The following FAM13B variants were observed in gnomAD, a reference collection of about 807,000 sequenced individuals.
FAM13B encodes family with sequence similarity 13 member B.
In FAM13B, 60 loss-of-function variants were observed where a neutral mutation model predicts 117.3. The ratio of observed to expected loss-of-function variants is 0.51; its 90% confidence interval spans 0.42 to 0.63. The LOEUF (loss-of-function observed/expected upper bound fraction) is 0.63, where lower values mean the gene tolerates loss of function less well. Among genes scored for constraint, FAM13B ranks in the 30% least tolerant of loss-of-function variants. FAM13B has a pLI of 0.00. For missense variants in FAM13B, 972 were observed against 1,091.9 expected (o/e 0.89, Z 1.55); for synonymous variants, 332 against 356.1 (o/e 0.93, Z 0.76).
chr5:137,956,175 C>A (rs1766490142), intron 14 of FAM13B, among the ~76,000 whole-genome samples: 1 of 152,154 alleles, frequency 6.6e-6, no homozygotes, highest in Admixed American at 6.5e-5. Flanking sequence ...AAGCCCAGAT[C>A]AATCTGAGAA....
chr5:137,972,606 C>A (rs1371989703), intron 10 of FAM13B, among the ~76,000 whole-genome samples: 9 of 151,916 alleles, frequency 5.9e-5, no homozygotes, highest in Non-Finnish European at 1.2e-4. Context: ...GAAGTTCTGG[C>A]CAGGGCAATT....
chr5:138,012,043 A>C (rs895033137), intron 4 of FAM13B, 98 bp from the exon 5 acceptor site: 1 of 777,828 alleles, frequency 1.3e-6, no homozygotes. Context: ...CACCTTTTTA[A>C]TACAACAATT....
rs931489941 is a variant in FAM13B, at chr5:137,942,452, A to T, written c.2589-407T>A. On this transcript the variant is annotated intron_variant, in intron 22 of 23. Transcript: ENST00000689681. Reference sequence around the variant, plus strand: ...ACAGTGGCCTCAACATCCTCCAAACAGAGAATCAAGTGATCCTCTTGCCTC... The same window carrying T: ...ACAGTGGCCTCAACATCCTCCAAACTGAGAATCAAGTGATCCTCTTGCCTC... 8.4e-5 allele frequency: 18 copies of T among 213,380 alleles called. 1 individual carries two copies. Among genetic ancestry groups the T allele is most frequent in the South Asian group, 6.8e-4 (7 of 10,282 alleles). The allele number at this position is 213,380 out of a possible 1,614,324, so 13.2% of individuals were successfully genotyped here. A position where few individuals can be genotyped will look rare whatever the true frequency, so the allele number is the denominator to read the frequency against.
At chr5:137,995,442 T>C (rs1779622863) in intron 7 of FAM13B, among the ~76,000 whole-genome samples, 1 of 152,194 alleles carries the variant, frequency 6.6e-6, no homozygotes, top group South Asian at 2.1e-4. Flanking sequence ...TACTAAAATA[T>C]GCAAAATAGT....
At chr5:137,959,575 A>G in intron 13 of FAM13B, 41 bp downstream of exon 13, 1 of 1,609,690 alleles carries the variant, frequency 6.2e-7, no homozygotes, top group East Asian at 2.2e-5. Context: ...TTCGGTTACA[A>G]GTAACATTAT....
At chr5:137,988,349 G>C in intron 7 of FAM13B, 34 bp from the exon 8 acceptor site, 1 of 1,532,722 alleles carries the variant, frequency 6.5e-7, no homozygotes, top group Non-Finnish European at 8.8e-7. Context: ...CTATAAAAAT[G>C]TTCAATACTT....
Position 137,946,013 on chromosome 5 carries a change from AAAG to A in FAM13B, c.2245-19_2245-17del. 1 of 1,595,488 alleles carries A rather than the reference AAAG, an allele frequency of 6.3e-7. No individual in the cohort carries two copies. The highest frequency in any genetic ancestry group is 1.3e-5 in the African/African-American group (1 of 74,432). ...CCTTGGTCACCTGAAGCAAGAAAAA[AAAG>A]AAATTGTCTAGTCATCACAAATCTA... On this transcript the variant is annotated splice_polypyrimidine_tract_variant and intron_variant, in intron 19 of 23. Transcript: ENST00000689681.
Position 137,940,406 on chromosome 5 carries a change from A to C in FAM13B, c.2691-58T>G, listed in dbSNP as rs1761304226. On this transcript the variant is annotated intron_variant, in intron 23 of 23. Coordinates refer to ENST00000689681, the MANE Select transcript of FAM13B (RefSeq NM_001385994.1). ...GAGATCATTTGGAAAAAAAGATCCA[A>C]AAGTTGTCTTAATATGAGACATACT... 3.1e-6 allele frequency: 4 copies of C among 1,305,446 alleles called. No homozygotes were observed. The Admixed American group carries it at 8.8e-5, about 29-fold the overall frequency. 80.9% of individuals were successfully genotyped at this position (1,305,446 alleles called of 1,614,324 possible). A position where few individuals can be genotyped will look rare whatever the true frequency, so the allele number is the denominator to read the frequency against.
chr5:138,027,177 T>C (rs2151043088), intron 1 of FAM13B, among the ~76,000 whole-genome samples: 1 of 152,122 alleles, frequency 6.6e-6, no homozygotes, highest in Non-Finnish European at 1.5e-5. Flanking sequence ...AGTTCTACCT[T>C]CAAATAGAAT....
chr5:138,010,852 G>A (rs868280982), intron 6 of FAM13B, among the ~76,000 whole-genome samples, 156 bp downstream of exon 6: 1 of 149,430 alleles, frequency 6.7e-6, no homozygotes, highest in Admixed American at 6.8e-5. Context: ...AAAAAATCAT[G>A]AATGTGCCAC....
At chr5:137,953,516 G>GT in intron 15 of FAM13B, 51 bp from the exon 16 acceptor site, 1 of 1,586,110 alleles carries the variant, frequency 6.3e-7, no homozygotes, top group South Asian at 1.1e-5. Context: ...TACCAACACT[G>GT]TATCTCTTAT....
At chr5:137,954,399 A>G in intron 14 of FAM13B, 23 bp from the exon 15 acceptor site, 1 of 1,591,218 alleles carries the variant, frequency 6.3e-7, no homozygotes, top group Non-Finnish European at 8.6e-7. Context: ...CACAAAGAAT[A>G]GTACCATGGG....
chr5:137,968,751 T>A (rs1263691695), intron 10 of FAM13B, among the ~76,000 whole-genome samples: 1 of 152,186 alleles, frequency 6.6e-6, no homozygotes, highest in Non-Finnish European at 1.5e-5. Context: ...AGTGGGTGCG[T>A]GCATCGTGCG....
At chr5:138,029,339 G>T (rs549207527) in intron 1 of FAM13B, among the ~76,000 whole-genome samples, 2 of 152,184 alleles carry the variant, frequency 1.3e-5, no homozygotes, top group Non-Finnish European at 2.9e-5. Flanking sequence ...TGTTTAAAAT[G>T]TCACTGAAAT....
At chr5:138,019,432 A>C (rs1411646224) in intron 2 of FAM13B, among the ~76,000 whole-genome samples, 1 of 152,218 alleles carries the variant, frequency 6.6e-6, no homozygotes, top group African/African-American at 2.4e-5. Flanking sequence ...AATGTCCCAA[A>C]GACAAATTAA....
intron 10 of FAM13B, among the ~76,000 whole-genome samples, chr5:137,972,423 A>G (rs1339600269): frequency 2.0e-5 from 3 of 152,160 alleles, no homozygotes; most frequent in African/African-American, 7.2e-5. Context: ...TTCATGCTAA[A>G]AACTCTCAAT....
chr5:138,037,454 C>A (rs1665684984), upstream of FAM13B, among the ~76,000 whole-genome samples: 1 of 150,674 alleles, frequency 6.6e-6, no homozygotes, highest in South Asian at 2.1e-4. Context: ...AGCATATCTG[C>A]CTCCCCAAGG....
chr5:137,987,580 C>A lies in FAM13B; in HGVS notation c.927G>T (p.Gln309His), dbSNP rs1423319729. The stretch of plus-strand genomic sequence containing the variant: ...TGCTGCTCTGAAGATCAAAAAGGTG[C>A]TGTTCCACAGCTGCTCTAATTGTTC... The part of the protein sequence containing the change: ...LERTIRAAVE[Q>H]HLFDLQSSID... Residue 309 changes from glutamine (Q) to histidine (H), a missense_variant, in exon 9 of 24, where the codon CAG becomes CAT. Transcript: ENST00000689681. 6.2e-7 allele frequency: 1 copy of A among 1,612,956 alleles called. No individual in the cohort carries two copies. Among genetic ancestry groups the A allele is most frequent in the Admixed American group, 1.7e-5 (1 of 59,864 alleles).
In FAM13B at chr5:137,939,762, T is replaced by A; in HGVS notation, c.*463A>T. On this transcript the variant is annotated 3_prime_UTR_variant, in exon 24 of 24. Transcript: ENST00000689681. Reference sequence around the variant, plus strand: ...AAAACAGAGAACACAGTTGCGTATGTGCACTTTTATAGGCTTTTCTTTCAA... The same window carrying A: ...AAAACAGAGAACACAGTTGCGTATGAGCACTTTTATAGGCTTTTCTTTCAA... The A allele has an allele frequency of 2.5e-6, 2 of 808,832 alleles. No homozygotes were observed. The highest frequency in any genetic ancestry group is 3.2e-6 in the Non-Finnish European group (2 of 633,006). The allele number at this position is 808,832 out of a possible 1,614,324, so 50.1% of individuals were successfully genotyped here. A position where few individuals can be genotyped will look rare whatever the true frequency, so the allele number is the denominator to read the frequency against.
Sources: allele counts gnomAD v4.1 joint callset (sites outside exome capture counted in the v4.1 genomes callset), GRCh38; gene constraint gnomAD v4.1.1; transcripts MANE v1.5; gene names NCBI Gene and HGNC (gene_info 2026-07-23, HGNC 2026-07-21).